CRHBP: variants seen among roughly 807,000 people sequenced by gnomAD.
CRHBP encodes corticotropin-releasing hormone-binding protein.
In CRHBP, 19 loss-of-function variants were observed where a neutral mutation model predicts 34.9. The ratio of observed to expected loss-of-function variants is 0.55; its 90% CI spans 0.38 to 0.80. CRHBP has a LOEUF of 0.80. CRHBP is among the 30% of genes least tolerant of loss of function. The probability of loss-of-function intolerance (pLI) is 0.00; values close to 1 mark genes in which losing one functional copy is unlikely to be tolerated. For missense variants in CRHBP, 328 were observed against 409.2 expected (o/e 0.80, Z 1.71); for synonymous variants, 154 against 153.4 (o/e 1.00, Z -0.03).
chr5:76,963,493 C>G (rs1297563194), intron 6 of CRHBP, 33 bp downstream of exon 6: 1 of 1,535,156 alleles, frequency 6.5e-7, no homozygotes, highest in East Asian at 2.3e-5. Flanking sequence ...ATGTATGTGC[C>G]TATCAAGATT....
intron 2 of CRHBP, 120 bp downstream of exon 2, chr5:76,953,814 C>T (rs1580089305): frequency 8.2e-7 from 1 of 1,226,756 alleles, no homozygotes; most frequent in African/African-American, 1.5e-5. Flanking sequence ...GCCAGGGGCG[C>T]GGTCCCCTTA....
chr5:76,962,133 T>A (rs1745788120), intron 5 of CRHBP, among the ~76,000 whole-genome samples: 1 of 152,080 alleles, frequency 6.6e-6, no homozygotes, highest in South Asian at 2.1e-4. Flanking sequence ...TATTTTAGAT[T>A]TTGGTTCCTA....
At chr5:76,958,644 C>T (rs752352348) in intron 4 of CRHBP, 97 bp from the exon 5 acceptor site, 4 of 1,374,402 alleles carry the variant, frequency 2.9e-6, no homozygotes, top group Non-Finnish European at 3.9e-6. Flanking sequence ...GGCCCTAGAT[C>T]ATGAACAGGA....
intron 2 of CRHBP, 79 bp from the exon 3 acceptor site, chr5:76,953,950 G>T: frequency 6.7e-7 from 1 of 1,502,630 alleles, no homozygotes; most frequent in Non-Finnish European, 8.9e-7. Context: ...GGAATGGGGC[G>T]CGCGGAGAGC....
Position 76,962,086 on chromosome 5 carries a change from A to ATG in CRHBP, c.694-1246_694-1245dup, listed in dbSNP as rs1745787163. ...TCTAAATGCCTGAATGTGTGTGCTTATGTGTGTGTGTGGGTGTGTGTGTGT... is the reference window on the plus strand; with the variant it reads ...TCTAAATGCCTGAATGTGTGTGCTTATGTGTGTGTGTGTGGGTGTGTGTGTGT... On this transcript the variant is annotated intron_variant, in intron 5 of 6. Coordinates refer to ENST00000274368, the MANE Select transcript of CRHBP (RefSeq NM_001882.4). Among the ~76,000 whole-genome samples the ATG allele has an allele frequency of 4.6e-5, 7 of 151,804 alleles. No individual in the cohort carries two copies. The South Asian group carries it at 1.3e-3, about 27-fold the overall frequency.
At chr5:76,978,951 G>A (rs927897615) in intron 3 of CRHBP, among the ~76,000 whole-genome samples, 1 of 152,158 alleles carries the variant, frequency 6.6e-6, no homozygotes. Flanking sequence ...TTTGTAAAAA[G>A]AAGAGTCAAT....
At chr5:76,954,480 C>T (rs932540852) in intron 3 of CRHBP, among the ~76,000 whole-genome samples, 1 of 150,794 alleles carries the variant, frequency 6.6e-6, no homozygotes, top group African/African-American at 2.5e-5. Flanking sequence ...CTAGGAACTT[C>T]TAAAGACTTG....
Position 76,953,712 on chromosome 5 carries a change from G to A in CRHBP, c.175+18G>A. 4 of 1,589,208 alleles carry A rather than the reference G, an allele frequency of 2.5e-6. No homozygotes were observed. The highest frequency in any genetic ancestry group is 3.4e-6 in the Non-Finnish European group (4 of 1,167,344). The stretch of plus-strand genomic sequence containing the variant: ...CGCTCTGCGTGAGTCGAGGCTGCCC[G>A]GCTCGCGGGCGCCCGGGACGCGGGG... On this transcript the variant is annotated intron_variant, in intron 2 of 6. Transcript: ENST00000274368.
intron 6 of CRHBP, 106 bp downstream of exon 6, chr5:76,963,566 C>T: frequency 1.0e-6 from 1 of 972,694 alleles, no homozygotes; most frequent in South Asian, 1.5e-5. Context: ...CCAAAAAAGC[C>T]TTCAATTTTT....
chr5:76,974,450 CT>C (rs1329239753), downstream of CRHBP, among the ~76,000 whole-genome samples: 1 of 152,040 alleles, frequency 6.6e-6, no homozygotes, highest in Admixed American at 6.6e-5. Context: ...CCATGCCAGG[CT>C]GCTTGCTATT....
chr5:76,955,569 A>T, intron 3 of CRHBP, 84 bp from the exon 4 acceptor site: 1 of 1,254,284 alleles, frequency 8.0e-7, no homozygotes. Context: ...CCATTGCTGG[A>T]TGACTTTCCC....
intron 6 of CRHBP, among the ~76,000 whole-genome samples, chr5:76,968,136 A>G (rs1301143197): frequency 6.6e-6 from 1 of 151,944 alleles, no homozygotes; most frequent in Non-Finnish European, 1.5e-5. Flanking sequence ...GATGCAAATG[A>G]TCTTTTTGTT....
intron 6 of CRHBP, among the ~76,000 whole-genome samples, chr5:76,965,388 C>G (rs1745846280): frequency 6.6e-6 from 1 of 152,166 alleles, no homozygotes; most frequent in Non-Finnish European, 1.5e-5. Context: ...AAGGTAAAGG[C>G]AAAAGATTTC....
intron 3 of CRHBP, among the ~76,000 whole-genome samples, chr5:76,980,306 C>G (rs1746101595): frequency 6.6e-6 from 1 of 150,426 alleles, no homozygotes; most frequent in Non-Finnish European, 1.5e-5. Context: ...ATTCAGACTT[C>G]AGTGATCTGA....
intron 2 of CRHBP, among the ~76,000 whole-genome samples, chr5:76,975,721 T>G (rs1746013916): frequency 6.8e-6 from 1 of 147,356 alleles, no homozygotes. Flanking sequence ...GGAGAATTGC[T>G]TGAACCCGGG....
intron 2 of CRHBP, among the ~76,000 whole-genome samples, chr5:76,975,825 A>AAAAAAAAAAAAAAAAT: frequency 3.2e-5 from 2 of 61,846 alleles, no homozygotes; most frequent in African/African-American, 1.8e-4. Flanking sequence ...AAAAAAAAAA[A>AAAAAAAAAAAAAAAAT]ATATATATAT....
rs201535106 is a variant in CRHBP at position 76,955,848 on chromosome 5, G to T, written c.529G>T (p.Asp177Tyr). ...TGGATTCACATTAACCATAAAGACA[G>T]ACCCCAACCTCTTTCGTAAGTGTTC... is the stretch of plus-strand genomic sequence containing the variant. ...GNGFTLTIKT[D>Y]PNLFPCNVIS... Residue 177 changes from aspartate to tyrosine, a missense_variant, in exon 4 of 7, where the codon GAC becomes TAC. By Grantham distance (160) the Asp-to-Tyr change is radical. This residue lies in a region of CRHBP where 144 missense variants were observed against 216.7 expected (regional missense o/e 0.66). Transcript: ENST00000274368. 1 of 1,613,964 alleles carries T rather than the reference G, an allele frequency of 6.2e-7. No individual in the cohort carries two copies. Among genetic ancestry groups the T allele is most frequent in the East Asian group, 2.2e-5 (1 of 44,878 alleles).
chr5:76,962,764 C>T (rs1318638975), intron 5 of CRHBP, among the ~76,000 whole-genome samples: 1 of 152,068 alleles, frequency 6.6e-6, no homozygotes, highest in Middle Eastern at 3.2e-3. Context: ...CTAACTTGGG[C>T]CCCAAATCAG....
chr5:76,966,326 A>G (rs1014441607), intron 6 of CRHBP, among the ~76,000 whole-genome samples: 2 of 152,088 alleles, frequency 1.3e-5, no homozygotes, highest in Admixed American at 6.6e-5. Flanking sequence ...TGAGGTTCCT[A>G]TCAATTACCC....
Sources: allele counts gnomAD v4.1 joint callset (sites outside exome capture counted in the v4.1 genomes callset), GRCh38; gene constraint gnomAD v4.1.1; regional missense constraint gnomAD v4.1.1; transcripts MANE v1.5; gene names NCBI Gene and HGNC (gene_info 2026-07-23, HGNC 2026-07-21).